Variants in SYNE1 observed in about 807,000 individuals in gnomAD.
SYNE1 encodes nesprin-1.
In SYNE1, 616 loss-of-function variants were observed where a neutral mutation model predicts 1,111.0. The ratio of observed to expected loss-of-function variants is 0.55; its 90% CI spans 0.52 to 0.59. SYNE1 has a LOEUF of 0.59. Among genes scored for constraint, SYNE1 ranks in the 20% least tolerant of loss-of-function variants. The pLI is 0.00. For missense variants in SYNE1, 10,006 were observed against 10,417.0 expected, an observed-to-expected ratio of 0.96 and a Z score of 1.72; for synonymous variants, 3,855 against 3,825.8, an observed-to-expected ratio of 1.01 and a Z score of -0.28.
chr6:152,357,864 C>T (rs192975762), intron 66 of SYNE1, among the ~76,000 whole-genome samples: 199 of 152,228 alleles, frequency 1.3e-3, no homozygotes, highest in African/African-American at 4.1e-3. Context: ...AATTATGGCC[C>T]GCTGGCCTGG....
chr6:152,408,663 G>A (rs1339052850), intron 44 of SYNE1, among the ~76,000 whole-genome samples: 1 of 152,118 alleles, frequency 6.6e-6, no homozygotes, highest in Non-Finnish European at 1.5e-5. Flanking sequence ...AATGTTAAAA[G>A]TAAAATTCAG....
At position 152,395,691 on chromosome 6, in the gene SYNE1, T is replaced by A. The variant is rs745761118; in HGVS notation, c.7557-20A>T. 6.2e-7 allele frequency: 1 copy of A among 1,613,680 alleles called. No individual in the cohort carries two copies. On this transcript the variant is annotated intron_variant, in intron 50 of 145. Coordinates refer to ENST00000367255, the MANE Select transcript of SYNE1 (RefSeq NM_182961.4). ...TCAAAGCTAAGGGAAAGAAAATGCC[T>A]TAGAGAAATTCTTACATGCTTGTTA...
chr6:152,616,008 G>A (rs2099645042), intron 3 of SYNE1, among the ~76,000 whole-genome samples: 1 of 152,122 alleles, frequency 6.6e-6, no homozygotes, highest in Non-Finnish European at 1.5e-5. Flanking sequence ...AATGTATCCA[G>A]AAATAAGCAA....
chr6:152,545,544 C>T (rs137964733), intron 3 of SYNE1, among the ~76,000 whole-genome samples: 4,603 of 152,218 alleles, frequency 0.03, 256 homozygotes, highest in African/African-American at 0.11. Context: ...CACGCCACTG[C>T]ACTTCAGCCT....
In SYNE1 at chr6:152,336,775, A is replaced by G. The variant is rs778601482; in HGVS notation, c.12528+66T>C. The G allele has an allele frequency of 1.9e-6, 3 of 1,583,744 alleles. No homozygotes were observed. The South Asian group carries it at 3.3e-5, about 17-fold the overall frequency. On this transcript the variant is annotated intron_variant, in intron 76 of 145. Coordinates refer to ENST00000367255, the MANE Select transcript of SYNE1 (RefSeq NM_182961.4). ...CAGGCATATTGAAGTGAATACACTG[A>G]ACACATTTCAGGTTTTCTACTCTGT...
intron 44 of SYNE1, 21 bp from the exon 45 acceptor site, chr6:152,407,217 A>G: frequency 1.2e-6 from 2 of 1,612,678 alleles, no homozygotes; most frequent in Non-Finnish European, 1.7e-6. Context: ...AACAGAAGCC[A>G]TGGCATTCAT....
At chr6:152,540,155 G>T in intron 3 of SYNE1, 134 bp from the exon 4 acceptor site, 1 of 872,050 alleles carries the variant, frequency 1.1e-6, no homozygotes, top group Non-Finnish European at 1.9e-6. Flanking sequence ...TTATTGTCTT[G>T]AAGGGAAAAG....
chr6:152,242,761 A>G (rs922716832), intron 106 of SYNE1, among the ~76,000 whole-genome samples: 1 of 152,112 alleles, frequency 6.6e-6, no homozygotes, highest in Admixed American at 6.6e-5. Flanking sequence ...GCTGTTTTAA[A>G]TTTTATTTTA....
intron 29 of SYNE1, among the ~76,000 whole-genome samples, chr6:152,446,825 A>G (rs1366315979): frequency 6.6e-6 from 1 of 152,230 alleles, no homozygotes; most frequent in Non-Finnish European, 1.5e-5. Flanking sequence ...ATAAAGGAAT[A>G]TAGAAAAACA....
intron 129 of SYNE1, among the ~76,000 whole-genome samples, chr6:152,179,015 G>A (rs1195184914): frequency 6.7e-6 from 1 of 149,152 alleles, no homozygotes; most frequent in South Asian, 2.1e-4. Context: ...CTGGGTTCAA[G>A]TGATTCTCTT....
Position 152,387,396 on chromosome 6 carries a change from A to G in SYNE1, c.8178-15T>C, listed in dbSNP as rs772378664. The G allele has an allele frequency of 6.2e-7, 1 of 1,611,910 alleles. No individual in the cohort carries two copies. Among genetic ancestry groups the G allele is most frequent in the East Asian group, 2.2e-5 (1 of 44,872 alleles). On this transcript the variant is annotated splice_polypyrimidine_tract_variant and intron_variant, in intron 53 of 145. Coordinates refer to ENST00000367255, the MANE Select transcript of SYNE1 (RefSeq NM_182961.4). ...ACTCTAAAGTGCTAGAATTAATGTC[A>G]CATATTAACAAAAATGAATTATTTT... is the stretch of plus-strand genomic sequence containing the variant.
rs2099690572 is a variant in SYNE1, at chr6:152,628,437, G to A, written c.-106C>T. On this transcript the variant is annotated 5_prime_UTR_variant, in exon 3 of 146. Transcript: ENST00000367255. ...GCTTGGACTTTTCTAGATCTATTCTGTCATAAATGAATTCCAGGCCTTTGC... is the reference window on the plus strand; with the variant it reads ...GCTTGGACTTTTCTAGATCTATTCTATCATAAATGAATTCCAGGCCTTTGC... 1.7e-6 allele frequency: 2 copies of A among 1,147,492 alleles called. No individual in the cohort carries two copies. Among genetic ancestry groups the A allele is most frequent in the Non-Finnish European group, 2.6e-6 (2 of 760,134 alleles). The allele number at this position is 1,147,492 out of a possible 1,614,324, so 71.1% of individuals were successfully genotyped here. A position where few individuals can be genotyped will look rare whatever the true frequency, so the allele number is the denominator to read the frequency against.
intron 3 of SYNE1, among the ~76,000 whole-genome samples, chr6:152,601,753 T>A (rs903815224): frequency 6.6e-6 from 1 of 152,146 alleles, no homozygotes; most frequent in African/African-American, 2.4e-5. Context: ...TTAAGTGTCA[T>A]TGAGAGGACT....
At chr6:152,570,366 T>C (rs1191861550) in intron 3 of SYNE1, among the ~76,000 whole-genome samples, 2 of 152,250 alleles carry the variant, frequency 1.3e-5, no homozygotes, top group Non-Finnish European at 2.9e-5. Flanking sequence ...AAACTCATAC[T>C]CTTCCTTCTC....
chr6:152,262,426 A>C (rs567775951), intron 100 of SYNE1, among the ~76,000 whole-genome samples: 1 of 152,360 alleles, frequency 6.6e-6, no homozygotes, highest in South Asian at 2.1e-4. Context: ...AATAAAAATA[A>C]TTGTAACATT....
At chr6:152,138,751 C>T (rs906480180) in intron 140 of SYNE1, among the ~76,000 whole-genome samples, 4 of 152,024 alleles carry the variant, frequency 2.6e-5, no homozygotes, top group African/African-American at 9.7e-5. Flanking sequence ...AAAACAAGCA[C>T]TGATGGGTTT....
chr6:152,133,210 A>C, intron 143 of SYNE1, 66 bp downstream of exon 143: 1 of 1,433,918 alleles, frequency 7.0e-7, no homozygotes, highest in Admixed American at 1.7e-5. Context: ...TCTAAAATGC[A>C]TGAAGATGAT....
In SYNE1 at chr6:152,353,265, C is replaced by T; in HGVS notation, c.11251G>A (p.Glu3751Lys). The change falls in exon 69 of 146, where the codon GAG becomes AAG. Residue 3751 changes from glutamate to lysine, a missense_variant and splice_region_variant. Coordinates refer to ENST00000367255, the MANE Select transcript of SYNE1 (RefSeq NM_182961.4). ...VMMGKKLKTL[E>K]VLLKDMEKGH... ...AAATCTGAAGTATGCGTGCCTACCT[C>T]CAACGTCTTCAATTTCTTCCCCATC... 1 of 1,614,156 alleles carries T rather than the reference C, an allele frequency of 6.2e-7. No individual in the cohort carries two copies. The highest frequency in any genetic ancestry group is 1.1e-5 in the South Asian group (1 of 91,066).
In SYNE1 at chr6:152,330,506, C is replaced by T. The variant is rs1210507384; in HGVS notation, c.14179G>A (p.Gly4727Arg). The change falls in exon 78 of 146, where the codon GGG becomes AGG. Residue 4727 changes from glycine to arginine, a missense_variant. Physicochemically the swap from Gly to Arg is moderately radical, Grantham distance 125 (BLOSUM62 -2). Transcript: ENST00000367255. Reference protein sequence around the residue: ...RAILDEVAGLGEAVDELNQKK... With the variant: ...RAILDEVAGLREAVDELNQKK... Reference sequence around the variant, plus strand: ...TGGTTCAGTTCATCCACCGCCTCCCCAAGGCCCGCCACCTCGTCCAGAATG... The same window carrying T: ...TGGTTCAGTTCATCCACCGCCTCCCTAAGGCCCGCCACCTCGTCCAGAATG... The T allele has an allele frequency of 3.1e-6, 5 of 1,614,148 alleles. No homozygotes were observed. In the South Asian group the frequency reaches 3.3e-5, roughly 11 times the overall value.
Sources: allele counts gnomAD v4.1 joint callset (sites outside exome capture counted in the v4.1 genomes callset), GRCh38; gene constraint gnomAD v4.1.1; transcripts MANE v1.5; gene names NCBI Gene and HGNC (gene_info 2026-07-23, HGNC 2026-07-21).